SORCS3: variants seen among roughly 807,000 people sequenced by gnomAD.
SORCS3 encodes the protein VPS10 domain-containing receptor SorCS3.
In SORCS3, 57 loss-of-function variants were observed where a neutral mutation model predicts 146.3. The ratio of observed to expected loss-of-function variants is 0.39; its 90% CI spans 0.31 to 0.49. The LOEUF (loss-of-function observed/expected upper bound fraction) is 0.49, where lower values mean the gene tolerates loss of function less well. Among genes scored for constraint, SORCS3 ranks in the 20% least tolerant of loss-of-function variants. The pLI is 0.92. For synonymous variants in SORCS3, 653 were observed against 618.5 expected (o/e 1.06, Z -0.83); for missense variants, 1,341 against 1,575.5 (o/e 0.85, Z 2.52).
At chr10:104,795,304 A>G (rs2017542246) in intron 1 of SORCS3, among the ~76,000 whole-genome samples, 1 of 152,242 alleles carries the variant, frequency 6.6e-6, no homozygotes, top group Admixed American at 6.5e-5. Context: ...TGCTATTGGC[A>G]GTTCAAACAC....
intron 1 of SORCS3, among the ~76,000 whole-genome samples, chr10:104,828,532 T>C (rs896948694): frequency 1.3e-5 from 2 of 152,036 alleles, no homozygotes; most frequent in African/African-American, 4.8e-5. Context: ...GATATAATAA[T>C]AACAAAAAAG....
At chr10:105,075,059 T>A (rs1450487861) in intron 5 of SORCS3, among the ~76,000 whole-genome samples, 1 of 152,130 alleles carries the variant, frequency 6.6e-6, no homozygotes, top group East Asian at 1.9e-4. Flanking sequence ...CATCCTCCCA[T>A]CCTCCCAAGC....
At chr10:105,067,484 G>A (rs532864698) in intron 5 of SORCS3, among the ~76,000 whole-genome samples, 4 of 152,308 alleles carry the variant, frequency 2.6e-5, no homozygotes, top group African/African-American at 9.6e-5. Context: ...TTGAGAGTGT[G>A]CCACTGCACT....
intron 1 of SORCS3, among the ~76,000 whole-genome samples, chr10:104,668,167 G>A (rs1018618293): frequency 2.1e-4 from 32 of 152,100 alleles, no homozygotes; most frequent in African/African-American, 2.7e-4. Flanking sequence ...GTGTGTGTGC[G>A]CGCATGTGTG....
At chr10:105,065,158 A>T (rs1444205082) in intron 5 of SORCS3, among the ~76,000 whole-genome samples, 1 of 152,056 alleles carries the variant, frequency 6.6e-6, no homozygotes, top group African/African-American at 2.4e-5. Context: ...TAGTAGCCTA[A>T]CTGACCTACT....
chr10:104,902,059 C>G (rs962919168), intron 2 of SORCS3, among the ~76,000 whole-genome samples: 1 of 152,152 alleles, frequency 6.6e-6, no homozygotes, highest in African/African-American at 2.4e-5. Flanking sequence ...CCAACCATCT[C>G]ATTTTACAGA....
intron 20 of SORCS3, among the ~76,000 whole-genome samples, chr10:105,242,442 A>T (rs1463391522): frequency 1.3e-4 from 8 of 60,042 alleles, no homozygotes; most frequent in African/African-American, 3.8e-4. Flanking sequence ...ACATATATTT[A>T]TATATATTTA....
intron 7 of SORCS3, among the ~76,000 whole-genome samples, chr10:105,128,226 A>G (rs1048794438): frequency 6.6e-6 from 1 of 152,174 alleles, no homozygotes; most frequent in Admixed American, 6.6e-5. Flanking sequence ...CCCGGAGAGC[A>G]TGATGGGGAA....
chr10:105,014,112 C>CAT (rs899047377), intron 4 of SORCS3, among the ~76,000 whole-genome samples: 9 of 147,236 alleles, frequency 6.1e-5, no homozygotes, highest in Admixed American at 2.7e-4. Context: ...TATATATACA[C>CAT]ATATATATAC....
intron 7 of SORCS3, among the ~76,000 whole-genome samples, chr10:105,123,201 G>A (rs2055947701): frequency 6.6e-6 from 1 of 152,196 alleles, no homozygotes; most frequent in Non-Finnish European, 1.5e-5. Context: ...TCATCCCTTT[G>A]GGGACACCCC....
chr10:104,917,451 G>A (rs1465809547), intron 3 of SORCS3, among the ~76,000 whole-genome samples: 1 of 152,124 alleles, frequency 6.6e-6, no homozygotes, highest in African/African-American at 2.4e-5. Flanking sequence ...GTTAAATCTA[G>A]CTAATTAACA....
intron 4 of SORCS3, among the ~76,000 whole-genome samples, chr10:105,023,920 G>A (rs950680806): frequency 5.3e-5 from 8 of 152,036 alleles, no homozygotes; most frequent in Admixed American, 6.6e-5. Context: ...TTATCAAACC[G>A]TAAAATCCAG....
At chr10:105,006,984 T>A (rs536880915) in intron 4 of SORCS3, among the ~76,000 whole-genome samples, 5 of 152,244 alleles carry the variant, frequency 3.3e-5, no homozygotes, top group Non-Finnish European at 7.3e-5. Flanking sequence ...TGACCCAGGC[T>A]GCATAGGATG....
At chr10:105,095,546 G>A (rs1309289164) in intron 6 of SORCS3, among the ~76,000 whole-genome samples, 1 of 152,162 alleles carries the variant, frequency 6.6e-6, no homozygotes, top group African/African-American at 2.4e-5. Flanking sequence ...AGGTGGGCCT[G>A]GGGAGGGTGT....
chr10:105,156,579 C>T (rs923630173), intron 9 of SORCS3, among the ~76,000 whole-genome samples: 4 of 152,168 alleles, frequency 2.6e-5, no homozygotes, highest in Admixed American at 2.0e-4. Context: ...AATTTCAAAG[C>T]GACCATTGGC....
intron 4 of SORCS3, among the ~76,000 whole-genome samples, chr10:104,985,570 G>T (rs532636124): frequency 2.0e-5 from 3 of 152,228 alleles, no homozygotes; most frequent in East Asian, 3.9e-4. Flanking sequence ...TTTCCAGGAG[G>T]TTTTCAATTT....
intron 16 of SORCS3, among the ~76,000 whole-genome samples, chr10:105,207,019 G>A (rs1358562138): frequency 6.6e-6 from 1 of 152,046 alleles, no homozygotes; most frequent in Admixed American, 6.6e-5. Context: ...ATGACTTCTT[G>A]GTTAGCTCCA....
chr10:105,194,159 A>G (rs2056532242), intron 14 of SORCS3, among the ~76,000 whole-genome samples: 2 of 152,118 alleles, frequency 1.3e-5, no homozygotes, highest in South Asian at 4.1e-4. Context: ...GTGGTCATCT[A>G]TATTTATATA....
chr10:104,725,277 G>A (rs550687082), intron 1 of SORCS3, among the ~76,000 whole-genome samples: 33 of 152,292 alleles, frequency 2.2e-4, no homozygotes, highest in Admixed American at 6.5e-4. Context: ...AGCAGCGGAG[G>A]CTGCAGAACA....
Sources: gnomAD v4.1 joint callset for allele counts (sites outside exome capture counted in the v4.1 genomes callset) on GRCh38, gnomAD v4.1.1 for gene constraint, MANE v1.5 for transcripts, NCBI Gene and HGNC (gene_info 2026-07-23, HGNC 2026-07-21) for gene names.